Variants in CNTFR observed in about 807,000 individuals in gnomAD.
CNTFR encodes the protein ciliary neurotrophic factor receptor subunit alpha.
CNTFR carries 12 observed loss-of-function variants against 40.4 expected under a neutral mutation model. The observed-to-expected ratio is 0.30, with a 90% confidence interval of 0.19 to 0.48. The LOEUF (loss-of-function observed/expected upper bound fraction) is 0.48, where lower values mean the gene tolerates loss of function less well. Ranked by LOEUF, CNTFR falls within the 20% of genes least tolerant of loss-of-function variation. The pLI is 0.99. For missense variants in CNTFR, 414 were observed against 506.8 expected (o/e 0.82, Z 1.76); for synonymous variants, 202 against 209.6 (o/e 0.96, Z 0.31).
chr9:34,562,299 A>C (rs1826107152), intron 4 of CNTFR, among the ~76,000 whole-genome samples: 1 of 152,158 alleles, frequency 6.6e-6, no homozygotes, highest in Non-Finnish European at 1.5e-5. Context: ...ATAGTGCGCC[A>C]AGGAGAATTC....
intron 2 of CNTFR, among the ~76,000 whole-genome samples, chr9:34,576,079 T>C (rs1826946653): frequency 1.3e-5 from 2 of 151,156 alleles, no homozygotes; most frequent in African/African-American, 4.9e-5. Flanking sequence ...GAGCACACAC[T>C]TGGGCTCTCA....
intron 4 of CNTFR, among the ~76,000 whole-genome samples, chr9:34,562,576 T>A (rs1266892292): frequency 6.6e-6 from 1 of 152,206 alleles, no homozygotes; most frequent in African/African-American, 2.4e-5. Context: ...TCTACACCAG[T>A]CTTCTGACAG....
At chr9:34,571,747 A>T (rs112897481) in intron 2 of CNTFR, among the ~76,000 whole-genome samples, 2,040 of 152,168 alleles carry the variant, frequency 0.013, 42 homozygotes, top group African/African-American at 0.042. Context: ...TGGGGTGCCA[A>T]GACAGACACT....
Position 34,579,264 on chromosome 9 carries a change from G to C in CNTFR, c.-1+1831C>G, listed in dbSNP as rs895505875. On this transcript the variant is annotated intron_variant, in intron 2 of 9. Transcript: ENST00000378980. ...CACGCTGCCTGATTAATGGGGTTAC[G>C]GGCTTGGATCAATCCGTCCGCCCGC... 7.9e-5 allele frequency among the ~76,000 whole-genome samples: 12 copies of C among 152,176 alleles called. No individual in the cohort carries two copies. The South Asian group carries it at 1.2e-3, about 16-fold the overall frequency.
intron 2 of CNTFR, among the ~76,000 whole-genome samples, chr9:34,576,727 T>A (rs987282687): frequency 2.0e-5 from 3 of 152,198 alleles, no homozygotes; most frequent in African/African-American, 7.2e-5. Context: ...ATGGTGGCAC[T>A]GGAATCAGCA....
chr9:34,578,133 G>A (rs1827084636), intron 2 of CNTFR, among the ~76,000 whole-genome samples: 1 of 151,666 alleles, frequency 6.6e-6, no homozygotes, highest in Non-Finnish European at 1.5e-5. Flanking sequence ...CCGGGAGGCA[G>A]AAGCAACCCC....
chr9:34,588,222 A>C (rs1270243186), intron 1 of CNTFR, among the ~76,000 whole-genome samples: 1 of 152,132 alleles, frequency 6.6e-6, no homozygotes, highest in African/African-American at 2.4e-5. Flanking sequence ...GGAGACAGAG[A>C]GGCATAGTTT....
At chr9:34,576,793 C>T (rs1036365022) in intron 2 of CNTFR, among the ~76,000 whole-genome samples, 1 of 152,224 alleles carries the variant, frequency 6.6e-6, no homozygotes, top group African/African-American at 2.4e-5. Flanking sequence ...TGCCTTCCCT[C>T]ATCACCCTCT....
chr9:34,575,398 G>A (rs2132221846), intron 2 of CNTFR, among the ~76,000 whole-genome samples: 1 of 152,304 alleles, frequency 6.6e-6, no homozygotes, highest in East Asian at 1.9e-4. Flanking sequence ...GGGATGGGCA[G>A]AGCAATAGGG....
At chr9:34,575,436 G>C (rs895279776) in intron 2 of CNTFR, among the ~76,000 whole-genome samples, 1 of 152,182 alleles carries the variant, frequency 6.6e-6, no homozygotes, top group African/African-American at 2.4e-5. Context: ...TAGCAGGGGG[G>C]TGGGGTAAGG....
rs145574079 is a variant in CNTFR at position 34,567,294 on chromosome 9, G to C, written c.85+1603C>G. Among the ~76,000 whole-genome samples, 8 of 152,290 alleles carry C rather than the reference G, an allele frequency of 5.3e-5. No homozygotes were observed. In the East Asian group the frequency reaches 1.5e-3, roughly 29 times the overall value. ...GACGGGATGAGGTCATGGACATGGA[G>C]AACACAGAGGGACAGAGCTGACGGC... is the stretch of plus-strand genomic sequence containing the variant. On this transcript the variant is annotated intron_variant, in intron 3 of 9. Transcript: ENST00000378980.
intron 1 of CNTFR, among the ~76,000 whole-genome samples, chr9:34,583,443 C>T (rs1484752192): frequency 1.3e-5 from 2 of 152,182 alleles, no homozygotes; most frequent in South Asian, 2.1e-4. Context: ...AGCCTCAGAA[C>T]CCTGTAGGCT....
At chr9:34,554,502 G>T (rs758209859) in intron 7 of CNTFR, among the ~76,000 whole-genome samples, 4 of 152,114 alleles carry the variant, frequency 2.6e-5, no homozygotes, top group Non-Finnish European at 5.9e-5. Context: ...CAAGAGAAAG[G>T]CTTCTCAATT....
intron 7 of CNTFR, among the ~76,000 whole-genome samples, chr9:34,555,479 G>A (rs1278756597): frequency 6.6e-6 from 1 of 152,094 alleles, no homozygotes; most frequent in Admixed American, 6.5e-5. Flanking sequence ...TATGGGCCCA[G>A]GGCCCTCAAA....
In CNTFR at chr9:34,552,991, A is replaced by G. The variant is rs1310980422; in HGVS notation, c.769-137T>C. 3 of 746,156 alleles carry G rather than the reference A, an allele frequency of 4.0e-6. No individual in the cohort carries two copies. Among genetic ancestry groups the G allele is most frequent in the African/African-American group, 3.6e-5 (2 of 56,076 alleles). 46.2% of individuals were successfully genotyped at this position (746,156 alleles called of 1,614,324 possible). ...GGGCAGTGAGGACTTCCCTGAGGAG[A>G]AGGAGGACATGGAGAATATTCTTGC... On this transcript the variant is annotated intron_variant, in intron 7 of 9. Transcript: ENST00000378980. The surrounding 1 kb of genome is among the most constrained non-coding windows in gnomAD (Gnocchi z 5.1).
At chr9:34,560,753 C>T (rs1826036978) in intron 4 of CNTFR, among the ~76,000 whole-genome samples, 1 of 152,248 alleles carries the variant, frequency 6.6e-6, no homozygotes, top group Admixed American at 6.5e-5. Flanking sequence ...TCTTGAGACA[C>T]CCAAGTGACT....
chr9:34,577,088 TGAG>T (rs1587161990), intron 2 of CNTFR, among the ~76,000 whole-genome samples: 1 of 152,072 alleles, frequency 6.6e-6, no homozygotes, highest in East Asian at 1.9e-4. Context: ...AACTAACCAC[TGAG>T]GAGGAGAGTC....
intron 2 of CNTFR, among the ~76,000 whole-genome samples, chr9:34,570,540 A>C (rs1826554633): frequency 6.6e-6 from 1 of 152,188 alleles, no homozygotes; most frequent in Non-Finnish European, 1.5e-5. Flanking sequence ...AGACGCAAAC[A>C]GGCGTACACC....
intron 1 of CNTFR, chr9:34,582,944 T>A (rs897553550): frequency 3.9e-5 from 6 of 152,302 alleles, no homozygotes; most frequent in African/African-American, 1.4e-4. Context: ...TCAGGCTGTG[T>A]GTGGTGTGCG....
Sources: allele counts gnomAD v4.1 joint callset (sites outside exome capture counted in the v4.1 genomes callset), GRCh38; gene constraint gnomAD v4.1.1; non-coding constraint Gnocchi (gnomAD v3.1); transcripts MANE v1.5; gene names NCBI Gene and HGNC (gene_info 2026-07-23, HGNC 2026-07-21).